The following PLXDC2 variants were observed in gnomAD, a reference collection of about 807,000 sequenced individuals.
The protein encoded by PLXDC2 is plexin domain-containing protein 2.
PLXDC2 carries 40 observed loss-of-function variants against 68.9 expected under a neutral mutation model. That is an observed-to-expected ratio of 0.58 (90% confidence interval 0.45 to 0.76). The LOEUF (loss-of-function observed/expected upper bound fraction) is 0.76, where lower values mean the gene tolerates loss of function less well. PLXDC2 is among the 30% of genes least tolerant of loss of function. The pLI is 0.00. For synonymous variants in PLXDC2, 243 were observed against 234.2 expected (o/e 1.04, Z -0.34); for missense variants, 644 against 661.9 (o/e 0.97, Z 0.30).
In PLXDC2 at chr10:19,977,818, C is replaced by T. The variant is rs73603687; in HGVS notation, c.113-23957C>T. ...TTCCATCATGGGAGGCCCACCCTTA[C>T]GACCTAATCTGAGCCTAATCACCTC... On this transcript the variant is annotated intron_variant, in intron 1 of 13. Coordinates refer to ENST00000377252, the MANE Select transcript of PLXDC2 (RefSeq NM_032812.9). Among the ~76,000 whole-genome samples, 557 of 152,192 alleles carry T rather than the reference C, an allele frequency of 3.7e-3. 2 individuals are homozygous for T. The highest frequency in any genetic ancestry group is 0.012 in the African/African-American group (515 of 41,518).
Position 19,882,636 on chromosome 10 carries a change from G to C in PLXDC2, c.112+65445G>C, listed in dbSNP as rs576122751. ...TGAATCAAATATAATAGTATGAAAG[G>C]TTTCGAGGGACAAATGTTAAGTTCT... On this transcript the variant is annotated intron_variant, in intron 1 of 13. Coordinates refer to ENST00000377252, the MANE Select transcript of PLXDC2 (RefSeq NM_032812.9). Among the ~76,000 whole-genome samples, 10 of 152,224 alleles carry C rather than the reference G, an allele frequency of 6.6e-5. No individual in the cohort carries two copies. In the East Asian group the frequency reaches 1.7e-3, roughly 27 times the overall value.
At chr10:20,151,608 ATG>A (rs1834153813) in intron 6 of PLXDC2, among the ~76,000 whole-genome samples, 1 of 152,168 alleles carries the variant, frequency 6.6e-6, no homozygotes, top group Non-Finnish European at 1.5e-5. Flanking sequence ...TCACAAATCT[ATG>A]TCTCATTTGT....
intron 4 of PLXDC2, among the ~76,000 whole-genome samples, chr10:20,108,427 C>T (rs1182839615): frequency 6.6e-6 from 1 of 152,152 alleles, no homozygotes; most frequent in African/African-American, 2.4e-5. Flanking sequence ...AATCAAGGCA[C>T]AGAAAACAGA....
chr10:20,086,484 G>A (rs1246512678), intron 4 of PLXDC2, among the ~76,000 whole-genome samples: 1 of 151,546 alleles, frequency 6.6e-6, no homozygotes, highest in Non-Finnish European at 1.5e-5. Context: ...GAACCATTAT[G>A]CTCAGCCTTG....
chr10:19,973,487 A>T (rs1053096441), intron 1 of PLXDC2, among the ~76,000 whole-genome samples: 1 of 150,244 alleles, frequency 6.7e-6, no homozygotes. Flanking sequence ...TTGTTCAAAG[A>T]TACTTTAGGC....
chr10:20,196,865 C>CT (rs995997835), intron 9 of PLXDC2, among the ~76,000 whole-genome samples: 126 of 152,068 alleles, frequency 8.3e-4, no homozygotes, highest in African/African-American at 2.6e-3. Flanking sequence ...TTAAATGTGG[C>CT]TTTTTTTTCT....
intron 6 of PLXDC2, among the ~76,000 whole-genome samples, chr10:20,164,034 G>A (rs527736245): frequency 6.6e-6 from 1 of 152,172 alleles, no homozygotes; most frequent in Non-Finnish European, 1.5e-5. Flanking sequence ...CTATAAGACT[G>A]CTTATAAACA....
At chr10:20,241,595 G>A (rs1835516813) in intron 12 of PLXDC2, among the ~76,000 whole-genome samples, 1 of 152,110 alleles carries the variant, frequency 6.6e-6, no homozygotes, top group African/African-American at 2.4e-5. Flanking sequence ...AAATGAGCCT[G>A]GGCAATATAG....
intron 2 of PLXDC2, among the ~76,000 whole-genome samples, chr10:20,034,786 A>C (rs1318962718): frequency 6.6e-6 from 1 of 152,208 alleles, no homozygotes; most frequent in Admixed American, 6.6e-5. Context: ...TAAGATACAC[A>C]AATGCTTACC....
intron 12 of PLXDC2, among the ~76,000 whole-genome samples, chr10:20,225,004 A>T (rs1835267287): frequency 6.6e-6 from 1 of 152,156 alleles, no homozygotes; most frequent in Admixed American, 6.6e-5. Flanking sequence ...ACCAAAGTTG[A>T]TATGTTAAGC....
chr10:20,189,273 GA>G (rs1053936563), intron 9 of PLXDC2, among the ~76,000 whole-genome samples: 24 of 149,934 alleles, frequency 1.6e-4, no homozygotes, highest in African/African-American at 5.4e-4. Flanking sequence ...TAATGCTTTT[GA>G]AAAAAATACA....
chr10:20,015,423 GCATTATTTCAA>G (rs1444791120), intron 2 of PLXDC2, among the ~76,000 whole-genome samples: 33 of 152,264 alleles, frequency 2.2e-4, no homozygotes, highest in Non-Finnish European at 3.5e-4. Flanking sequence ...CAACATGTGT[GCATTATTTCAA>G]AGGATTTTAA....
intron 9 of PLXDC2, among the ~76,000 whole-genome samples, chr10:20,198,435 T>C (rs1834870820): frequency 6.6e-6 from 1 of 152,148 alleles, no homozygotes; most frequent in African/African-American, 2.4e-5. Context: ...CTAATCCCAA[T>C]GTTTTATTTT....
At chr10:20,091,698 T>C (rs1833278921) in intron 4 of PLXDC2, 1 of 152,206 alleles carries the variant, frequency 6.6e-6, no homozygotes, top group Admixed American at 6.5e-5. Context: ...TTTTAAAATC[T>C]TTAAGTCTGC....
At chr10:20,103,804 A>G (rs1001738073) in intron 4 of PLXDC2, among the ~76,000 whole-genome samples, 2 of 152,016 alleles carry the variant, frequency 1.3e-5, no homozygotes, top group African/African-American at 4.8e-5. Flanking sequence ...CACCACGCCC[A>G]GCTAATTTTT....
intron 1 of PLXDC2, among the ~76,000 whole-genome samples, chr10:19,850,991 G>A (rs1171381195): frequency 6.6e-6 from 1 of 152,014 alleles, no homozygotes; most frequent in Non-Finnish European, 1.5e-5. Flanking sequence ...GAAGATTTAA[G>A]GAATCACAAG....
intron 5 of PLXDC2, among the ~76,000 whole-genome samples, chr10:20,146,450 T>TCTTCCTTC (rs112918711): frequency 6.9e-6 from 1 of 145,724 alleles, no homozygotes; most frequent in Non-Finnish European, 1.5e-5. Context: ...TTTCTTCCTT[T>TCTTCCTTC]CTTCCTTCCT....
chr10:20,089,245 G>T (rs1367444866), intron 4 of PLXDC2, among the ~76,000 whole-genome samples: 1 of 149,744 alleles, frequency 6.7e-6, no homozygotes, highest in Non-Finnish European at 1.5e-5. Flanking sequence ...GTTAGCAAAG[G>T]CTTTGCAAGC....
At chr10:20,177,485 T>G (rs1046059201) in intron 9 of PLXDC2, 76 bp downstream of exon 9, 7 of 757,944 alleles carry the variant, frequency 9.2e-6, no homozygotes, top group Non-Finnish European at 1.1e-5. Flanking sequence ...AAATAACTTA[T>G]GGACAGGTGC....
Sources: gnomAD v4.1 joint callset for allele counts (sites outside exome capture counted in the v4.1 genomes callset) on GRCh38, gnomAD v4.1.1 for gene constraint, MANE v1.5 for transcripts, NCBI Gene and HGNC (gene_info 2026-07-23, HGNC 2026-07-21) for gene names.